The following FANCD2OS variants were observed in gnomAD, a reference collection of about 807,000 sequenced individuals.
FANCD2OS encodes FANCD2 opposite strand, also known as FANCD2 opposite strand protein.
FANCD2OS carries 11 observed loss-of-function variants against 13.2 expected under a neutral mutation model. The observed-to-expected ratio is 0.83, with a 90% CI of 0.52 to 1.38. The LOEUF (loss-of-function observed/expected upper bound fraction) is 1.38. FANCD2OS is among the 40% of genes most tolerant of loss of function. The pLI is 0.00. For synonymous variants in FANCD2OS, 69 were observed against 84.5 expected, an observed-to-expected ratio of 0.82 and a Z score of 1.01; for missense variants, 217 against 213.9, an observed-to-expected ratio of 1.01 and a Z score of -0.09.
downstream of FANCD2OS, among the ~76,000 whole-genome samples, chr3:10,102,670 G>A (rs1235118648): frequency 9.9e-5 from 15 of 151,096 alleles, no homozygotes; most frequent in Non-Finnish European, 2.2e-4. Context: ...GTGAAACCCC[G>A]TCTCTACTAA....
intron 2 of FANCD2OS, chr3:10,088,434 C>G: frequency 1.3e-6 from 2 of 1,551,064 alleles, no homozygotes; most frequent in Non-Finnish European, 1.8e-6. Context: ...ATTCCTTTGT[C>G]TTCTTTTCTA....
chr3:10,105,595 C>T (rs536453197), intron 1 of FANCD2OS, among the ~76,000 whole-genome samples: 2 of 150,520 alleles, frequency 1.3e-5, no homozygotes, highest in African/African-American at 2.4e-5. Flanking sequence ...ACTAAAAATA[C>T]AAAAATTAGC....
rs760460950 is a variant in FANCD2OS at position 10,104,087 on chromosome 3, G to T, written c.*154C>A. 6.6e-5 allele frequency: 43 copies of T among 653,244 alleles called. No individual in the cohort carries two copies. The highest frequency in any genetic ancestry group is 1.1e-4 in the Non-Finnish European group (42 of 393,118). The allele number at this position is 653,244 out of a possible 1,614,324, so 40.5% of individuals were successfully genotyped here. On this transcript the variant is annotated 3_prime_UTR_variant, in exon 2 of 2. Coordinates refer to ENST00000450660, the MANE Select transcript of FANCD2OS (RefSeq NM_001164839.2). The stretch of plus-strand genomic sequence containing the variant: ...TCATTGGTCCTTTTTTGGAGGGGAA[G>T]GGATGAAAGGGGCTCCTGAATCATC...
At chr3:10,099,501 T>C, downstream of FANCD2OS, 1 of 226,898 alleles carries the variant, frequency 4.4e-6, no homozygotes, top group Admixed American at 5.6e-5. Context: ...GGCTCACACC[T>C]GTAATCCCAG....
intron 2 of FANCD2OS, among the ~76,000 whole-genome samples, chr3:10,086,675 C>T (rs143915539): frequency 1.1e-3 from 170 of 152,098 alleles, no homozygotes; most frequent in African/African-American, 3.9e-3. Context: ...GAGATGTTTT[C>T]GACATGTGGC....
chr3:10,106,169 G>C (rs1052791866), intron 1 of FANCD2OS, among the ~76,000 whole-genome samples: 3 of 152,042 alleles, frequency 2.0e-5, no homozygotes, highest in African/African-American at 7.2e-5. Context: ...CCAAAGTCCA[G>C]TCAAAAAACT....
intron 2 of FANCD2OS, among the ~76,000 whole-genome samples, chr3:10,090,100 C>G (rs1256800263): frequency 6.6e-6 from 1 of 152,142 alleles, no homozygotes; most frequent in Non-Finnish European, 1.5e-5. Flanking sequence ...AAAGTTAATT[C>G]CATTGTTTGA....
At chr3:10,084,336 G>A (rs1694045248) in intron 2 of FANCD2OS, among the ~76,000 whole-genome samples, 1 of 148,402 alleles carries the variant, frequency 6.7e-6, no homozygotes, top group Non-Finnish European at 1.5e-5. Context: ...CTGTTGCCCA[G>A]GCTGGAGTGT....
chr3:10,107,309 A>G (rs1439991811), intron 1 of FANCD2OS, among the ~76,000 whole-genome samples: 5 of 151,052 alleles, frequency 3.3e-5, no homozygotes, highest in African/African-American at 7.3e-5. Context: ...TTTTTTTGAG[A>G]CAGAGCCTTG....
At chr3:10,094,411 A>C (rs1174429502) in intron 2 of FANCD2OS, 2 of 1,489,872 alleles carry the variant, frequency 1.3e-6, no homozygotes. Context: ...AGAGTTGCTC[A>C]GAAGATATGT....
chr3:10,088,381 A>G (rs113469756), intron 2 of FANCD2OS: 4 of 983,268 alleles, frequency 4.1e-6, no homozygotes, highest in East Asian at 4.8e-5. Flanking sequence ...ATCATCCTCA[A>G]AAACCTGAAA....
chr3:10,102,509 TTTGA>T (rs1369642007), downstream of FANCD2OS, among the ~76,000 whole-genome samples: 2 of 152,080 alleles, frequency 1.3e-5, no homozygotes, highest in Non-Finnish European at 2.9e-5. Flanking sequence ...TTAAAATTTT[TTTGA>T]TTGGTGTAAT....
At chr3:10,091,351 G>A (rs1694597379) in intron 2 of FANCD2OS, among the ~76,000 whole-genome samples, 1 of 150,612 alleles carries the variant, frequency 6.6e-6, no homozygotes, top group African/African-American at 2.4e-5. Flanking sequence ...AAAGTGCTGG[G>A]ATTATAGGCA....
chr3:10,081,629 C>T, intron 2 of FANCD2OS: 1 of 704,718 alleles, frequency 1.4e-6, no homozygotes, highest in South Asian at 1.5e-5. Context: ...TTCATTTGAT[C>T]TTGTACCCTC....
At chr3:10,082,715 T>C (rs1420070532) in intron 2 of FANCD2OS, among the ~76,000 whole-genome samples, 1 of 152,198 alleles carries the variant, frequency 6.6e-6, no homozygotes, top group Non-Finnish European at 1.5e-5. Flanking sequence ...GCATCCATCC[T>C]GCCTCTCTAA....
rs1405579929 is a variant in FANCD2OS, at chr3:10,104,757, G to C, written c.18C>G (p.Leu6=). MAGYQ[L]WSPWTPLDES... is the part of the protein sequence containing the mutation. The stretch of plus-strand genomic sequence containing the variant: ...CATCCAGTGGGGTCCATGGTGACCA[G>C]AGCTGGTATCCTGCCATTGACAGTC... The change falls in exon 2 of 2, where the codon CTC becomes CTG. Residue 6 remains leucine (L), a synonymous_variant. Coordinates refer to ENST00000450660, the MANE Select transcript of FANCD2OS (RefSeq NM_001164839.2). 9 of 1,588,536 alleles carry C rather than the reference G, an allele frequency of 5.7e-6. No homozygotes were observed. Among genetic ancestry groups the C allele is most frequent in the Non-Finnish European group, 7.7e-6 (9 of 1,165,928 alleles).
At chr3:10,105,379 A>C (rs1295424416) in intron 1 of FANCD2OS, among the ~76,000 whole-genome samples, 1 of 152,056 alleles carries the variant, frequency 6.6e-6, no homozygotes, top group East Asian at 1.9e-4. Flanking sequence ...TTATCTTCTG[A>C]GGTGACAGAA....
rs114108275 is a variant in FANCD2OS, at chr3:10,094,518, C to T, written c.*43+9680G>A. On this transcript the variant is annotated intron_variant, in intron 2 of 2. Coordinates refer to the FANCD2OS transcript ENST00000524279. Reference sequence around the variant, plus strand: ...AGATCCCCAAATTGGACTGAATATTCCAAAGTAGGCTGAACTCCTCAGGCC... The same window carrying T: ...AGATCCCCAAATTGGACTGAATATTTCAAAGTAGGCTGAACTCCTCAGGCC... Among the ~76,000 whole-genome samples, 1,253 of 152,228 alleles carry T rather than the reference C, an allele frequency of 8.2e-3. 8 individuals are homozygous for T. The highest frequency in any genetic ancestry group is 0.014 in the Middle Eastern group (4 of 294).
rs775517107 is a variant in FANCD2OS at position 10,092,201 on chromosome 3, CT to C, written c.*44-10671del. The C allele has an allele frequency of 2.7e-5, 43 of 1,614,014 alleles. No individual in the cohort carries two copies. The highest frequency in any genetic ancestry group is 3.6e-5 in the Non-Finnish European group (43 of 1,179,866). On this transcript the variant is annotated intron_variant, in intron 2 of 2. Coordinates refer to the FANCD2OS transcript ENST00000524279. The stretch of plus-strand genomic sequence containing the variant: ...CCCAGATTCATGAAGAGAAACTCCT[CT>C]ACTGGAACATGGCTGTTCGAGACTT...
Sources: gnomAD v4.1 joint callset for allele counts (sites outside exome capture counted in the v4.1 genomes callset) on GRCh38, gnomAD v4.1.1 for gene constraint, MANE v1.5 for transcripts, NCBI Gene and HGNC (gene_info 2026-07-23, HGNC 2026-07-21) for gene names.